Variants in TOGARAM1 observed in about 807,000 individuals in gnomAD.
TOGARAM1 encodes TOG array regulator of axonemal microtubules 1.
Under a neutral mutation model 166.6 loss-of-function variants are expected in TOGARAM1, and 100 were observed. The ratio of observed to expected loss-of-function variants is 0.60; its 90% CI spans 0.51 to 0.71. The LOEUF (loss-of-function observed/expected upper bound fraction) is 0.71. Ranked by LOEUF, TOGARAM1 falls within the 30% of genes least tolerant of loss-of-function variation. The probability of loss-of-function intolerance (pLI) is 0.00; values close to 1 mark genes in which losing one functional copy is unlikely to be tolerated. For synonymous variants in TOGARAM1, 758 were observed against 763.8 expected, an observed-to-expected ratio of 0.99 and a Z score of 0.13; for missense variants, 2,029 against 2,102.7, an observed-to-expected ratio of 0.96 and a Z score of 0.69.
intron 14 of TOGARAM1, among the ~76,000 whole-genome samples, chr14:45,050,798 A>G (rs1882325829): frequency 6.6e-6 from 1 of 151,930 alleles, no homozygotes; most frequent in Non-Finnish European, 1.5e-5. Flanking sequence ...TATTTTTAGT[A>G]GACACTGGGT....
At position 44,962,480 on chromosome 14, in the gene TOGARAM1, A is replaced by T. The variant is rs141051891; in HGVS notation, c.59A>T (p.Tyr20Phe). The T allele has an allele frequency of 6.2e-7, 1 of 1,608,248 alleles. No homozygotes were observed. Among genetic ancestry groups the T allele is most frequent in the Admixed American group, 1.7e-5 (1 of 59,710 alleles). Residue 20 changes from tyrosine (Y) to phenylalanine (F), a missense_variant, in exon 1 of 20, where the codon TAT becomes TTT. By Grantham distance (22) the Tyr-to-Phe change is conservative. Transcript: ENST00000361462. ...LLPPFPVLST[Y>F]RLQSRSRPSA... Reference sequence around the variant, plus strand: ...CCGCCCTTTCCAGTCCTCTCTACCTATCGGCTCCAGAGCCGCAGTCGTCCT... The same window carrying T: ...CCGCCCTTTCCAGTCCTCTCTACCTTTCGGCTCCAGAGCCGCAGTCGTCCT...
intron 8 of TOGARAM1, among the ~76,000 whole-genome samples, chr14:45,026,729 T>G (rs1880864578): frequency 6.6e-6 from 1 of 151,988 alleles, no homozygotes; most frequent in Admixed American, 6.6e-5. Context: ...CCAGGTGCAG[T>G]GGCTCACTCC....
In TOGARAM1 at chr14:44,979,040, AAGGTT is replaced by A. The variant is rs1886381442; in HGVS notation, c.2046+14576_2046+14580del. Among the ~76,000 whole-genome samples the A allele has an allele frequency of 2.0e-5, 3 of 151,866 alleles. No homozygotes were observed. The South Asian group carries it at 6.2e-4, about 32-fold the overall frequency. On this transcript the variant is annotated intron_variant, in intron 1 of 19. Coordinates refer to ENST00000361462, the MANE Select transcript of TOGARAM1 (RefSeq NM_001308120.2). ...AAATAGAAATAACAGATAAAAAAAA[AAGGTT>A]AGAGTAAGATGAATTTTGATATAAC...
At chr14:45,058,232 G>T (rs1291267168) in intron 16 of TOGARAM1, among the ~76,000 whole-genome samples, 7 of 150,482 alleles carry the variant, frequency 4.7e-5, no homozygotes, top group African/African-American at 1.7e-4. Context: ...TGATTTGAAG[G>T]TTGTGTTATC....
At chr14:44,989,891 C>T (rs1012621553) in intron 1 of TOGARAM1, among the ~76,000 whole-genome samples, 31 of 152,138 alleles carry the variant, frequency 2.0e-4, no homozygotes, top group Admixed American at 2.0e-3. Context: ...AGGAAACTTA[C>T]AATCATAGTG....
At chr14:44,968,676 T>C (rs553746775) in intron 1 of TOGARAM1, among the ~76,000 whole-genome samples, 144 of 152,326 alleles carry the variant, frequency 9.5e-4, no homozygotes, top group Middle Eastern at 3.4e-3. Context: ...AGGGGTACAT[T>C]TGTTATAATC....
At chr14:44,977,380 A>G (rs1381990701) in intron 1 of TOGARAM1, among the ~76,000 whole-genome samples, 10 of 150,260 alleles carry the variant, frequency 6.7e-5, no homozygotes, top group Non-Finnish European at 1.0e-4. Flanking sequence ...GACTACAGGC[A>G]CCCGCCACCA....
At position 44,977,285 on chromosome 14, in the gene TOGARAM1, A is replaced by T. The variant is rs573990920; in HGVS notation, c.2046+12818A>T. 3.7e-3 allele frequency among the ~76,000 whole-genome samples: 473 copies of T among 127,824 alleles called. 4 individuals are homozygous for T. Among genetic ancestry groups the T allele is most frequent in the Non-Finnish European group, 4.5e-3 (290 of 64,808 alleles). The allele number at this position is 127,824 out of a possible 152,430, so 83.9% of individuals were successfully genotyped here. A position where few individuals can be genotyped will look rare whatever the true frequency, so the allele number is the denominator to read the frequency against. ...AGTCTTGCTCTGTTGCCCAGGCTGG[A>T]GTGTAGTAGTGTGATCTCAGCTCAC... On this transcript the variant is annotated intron_variant, in intron 1 of 19. Transcript: ENST00000361462.
chr14:45,004,956 CT>C (rs1887878861), intron 4 of TOGARAM1, among the ~76,000 whole-genome samples: 3 of 151,360 alleles, frequency 2.0e-5, no homozygotes, highest in Non-Finnish European at 2.9e-5. Context: ...GAGTTTCGCT[CT>C]TGTTGCCCAG....
chr14:45,025,904 A>G (rs371672672), intron 8 of TOGARAM1, 32 bp downstream of exon 8: 8 of 1,154,338 alleles, frequency 6.9e-6, no homozygotes, highest in African/African-American at 1.5e-5. Context: ...TCTTAATTAT[A>G]TGTATTCATC....
intron 1 of TOGARAM1, among the ~76,000 whole-genome samples, chr14:44,977,065 T>C (rs1448164863): frequency 6.6e-6 from 1 of 152,166 alleles, no homozygotes; most frequent in Non-Finnish European, 1.5e-5. Context: ...AATTATGTGA[T>C]TTCATTTCTA....
chr14:45,046,991 G>C (rs1418873172), intron 14 of TOGARAM1, among the ~76,000 whole-genome samples: 1 of 152,166 alleles, frequency 6.6e-6, no homozygotes, highest in East Asian at 1.9e-4. Flanking sequence ...GGGCAGAAAA[G>C]TGGCAGAAGA....
chr14:44,964,951 TAAAAA>T (rs35780816), intron 1 of TOGARAM1, among the ~76,000 whole-genome samples: 3 of 85,884 alleles, frequency 3.5e-5, no homozygotes, highest in South Asian at 9.8e-4. Context: ...ACTAGAAAAG[TAAAAA>T]AAAAAAAAAA....
rs771567348 is a variant in TOGARAM1 at position 45,004,011 on chromosome 14, T to A, written c.2339-50T>A. On this transcript the variant is annotated intron_variant, in intron 3 of 19. Transcript: ENST00000361462. Reference sequence around the variant, plus strand: ...AGCAAAAAGCAAAAAAGCTTTTAACTGTTAAACTGTGTATACATAAATAAT... The same window carrying A: ...AGCAAAAAGCAAAAAAGCTTTTAACAGTTAAACTGTGTATACATAAATAAT... The A allele has an allele frequency of 4.3e-5, 62 of 1,452,822 alleles. No homozygotes were observed. The South Asian group carries it at 8.4e-4, about 20-fold the overall frequency. The allele number at this position is 1,452,822 out of a possible 1,614,324, so 90.0% of individuals were successfully genotyped here.
At chr14:45,056,999 G>A (rs1192323041) in intron 16 of TOGARAM1, among the ~76,000 whole-genome samples, 1 of 151,948 alleles carries the variant, frequency 6.6e-6, no homozygotes, top group Non-Finnish European at 1.5e-5. Flanking sequence ...GGTAGAATTC[G>A]ACTGTGAACC....
Position 44,963,007 on chromosome 14 carries a change from C to G in TOGARAM1, c.586C>G (p.Arg196Gly), listed in dbSNP as rs1218875656. 6.2e-7 allele frequency: 1 copy of G among 1,614,026 alleles called. No individual in the cohort carries two copies. The highest frequency in any genetic ancestry group is 1.7e-5 in the Admixed American group (1 of 59,998). The change falls in exon 1 of 20, where the codon CGG (arginine) becomes GGG (glycine). Residue 196 changes from arginine (R) to glycine (G), a missense_variant. By Grantham distance (125) the Arg-to-Gly change is moderately radical. Around this residue, in one of 2 missense-constraint regions of TOGARAM1, gnomAD observed 1,453 missense variants for 1,432.2 expected, o/e 1.01. Transcript: ENST00000361462. ...GTTACGGGAAGAGAATCCAGCCCTG[C>G]GGAAAGATGCGCTGCAGATCCTTCA... Reference protein sequence around the residue: ...VSLREENPALRKDALQILHIC... With the variant: ...VSLREENPALGKDALQILHIC...
chr14:45,007,132 A>G lies in TOGARAM1; in HGVS notation c.2904+865A>G, dbSNP rs182949904. On this transcript the variant is annotated intron_variant, in intron 5 of 19. Coordinates refer to ENST00000361462, the MANE Select transcript of TOGARAM1 (RefSeq NM_001308120.2). ...CTTAATTATGATATTTTATGGTCTT[A>G]GTCTGTTTTTAAGGTATAAGCATCA... 13 of 152,220 alleles carry G rather than the reference A, an allele frequency of 8.5e-5. No homozygotes were observed. In the East Asian group the frequency reaches 2.5e-3, roughly 29 times the overall value. 9.4% of individuals were successfully genotyped at this position (152,220 alleles called of 1,614,324 possible). A position where few individuals can be genotyped will look rare whatever the true frequency, so the allele number is the denominator to read the frequency against.
chr14:44,982,519 A>C (rs1886588735), intron 1 of TOGARAM1, among the ~76,000 whole-genome samples: 1 of 152,196 alleles, frequency 6.6e-6, no homozygotes, highest in South Asian at 2.1e-4. Context: ...TAAGGAGTAT[A>C]CTTGCTTCAT....
At chr14:44,991,370 A>T (rs2138793593) in intron 1 of TOGARAM1, among the ~76,000 whole-genome samples, 1 of 152,114 alleles carries the variant, frequency 6.6e-6, no homozygotes, top group East Asian at 1.9e-4. Flanking sequence ...CCATGTAGGT[A>T]CCATTTCCCT....
Sources: allele counts gnomAD v4.1 joint callset (sites outside exome capture counted in the v4.1 genomes callset), GRCh38; gene constraint gnomAD v4.1.1; regional missense constraint gnomAD v4.1.1; transcripts MANE v1.5; gene names NCBI Gene and HGNC (gene_info 2026-07-23, HGNC 2026-07-21).